The following LARS2 variants were observed in gnomAD, a reference collection of about 807,000 sequenced individuals.
LARS2 encodes the protein leucine--tRNA ligase, mitochondrial.
A neutral mutation model predicts 116.6 loss-of-function variants in LARS2; 81 were observed. That is an observed-to-expected ratio of 0.69 (90% confidence interval 0.58 to 0.84). The LOEUF (loss-of-function observed/expected upper bound fraction) is 0.84, where lower values mean the gene tolerates loss of function less well. LARS2 is among the 40% of genes least tolerant of loss of function. The probability of loss-of-function intolerance (pLI) is 0.00; values close to 1 mark genes in which losing one functional copy is unlikely to be tolerated. For synonymous variants in LARS2, 396 were observed against 407.2 expected (o/e 0.97, Z 0.33); for missense variants, 968 against 1,114.5 (o/e 0.87, Z 1.87).
At chr3:45,424,318 T>C (rs973670604) in intron 6 of LARS2, among the ~76,000 whole-genome samples, 1 of 152,226 alleles carries the variant, frequency 6.6e-6, no homozygotes, top group Non-Finnish European at 1.5e-5. Context: ...AGAACACCTA[T>C]ATTGGCCTAC....
At chr3:45,443,896 C>T (rs1575258482) in intron 6 of LARS2, among the ~76,000 whole-genome samples, 1 of 152,062 alleles carries the variant, frequency 6.6e-6, no homozygotes, top group African/African-American at 2.4e-5. Flanking sequence ...CCCTTTGCCT[C>T]AGAGCTGACA....
intron 21 of LARS2, among the ~76,000 whole-genome samples, chr3:45,543,166 G>T (rs1700822613): frequency 6.6e-6 from 1 of 152,252 alleles, no homozygotes; most frequent in Admixed American, 6.5e-5. Flanking sequence ...AAGAGGATGT[G>T]AGGGTGCCCT....
chr3:45,468,330 A>C (rs1478449955), intron 8 of LARS2, among the ~76,000 whole-genome samples: 2 of 152,182 alleles, frequency 1.3e-5, no homozygotes, highest in Non-Finnish European at 2.9e-5. Flanking sequence ...TTAGACCAAT[A>C]AAAGCTTTCA....
At chr3:45,511,629 C>T (rs1293640690) in intron 15 of LARS2, among the ~76,000 whole-genome samples, 5 of 151,742 alleles carry the variant, frequency 3.3e-5, no homozygotes, top group Non-Finnish European at 7.4e-5. Context: ...TTAGGCTGAA[C>T]AGCTGGGGTT....
chr3:45,411,857 C>T (rs1470421800), intron 4 of LARS2, among the ~76,000 whole-genome samples: 2 of 152,146 alleles, frequency 1.3e-5, no homozygotes, highest in Non-Finnish European at 2.9e-5. Context: ...CCACCACCCT[C>T]AGGTAGGCCC....
intron 8 of LARS2, among the ~76,000 whole-genome samples, chr3:45,472,715 A>G (rs1699546695): frequency 6.6e-6 from 1 of 152,206 alleles, no homozygotes; most frequent in African/African-American, 2.4e-5. Flanking sequence ...ATCAGACTGA[A>G]TATGGACTTG....
At chr3:45,404,354 C>T (rs895068373) in intron 4 of LARS2, among the ~76,000 whole-genome samples, 2 of 152,144 alleles carry the variant, frequency 1.3e-5, no homozygotes, top group Non-Finnish European at 2.9e-5. Flanking sequence ...GAAAACTTGT[C>T]TGGTCATTTT....
At position 45,485,744 on chromosome 3, in the gene LARS2, T is replaced by C; in HGVS notation, c.1071T>C (p.Pro357=). Residue 357 remains proline (P), a synonymous_variant, in exon 11 of 22, where the codon CCT becomes CCC. Transcript: ENST00000645846. ...AVNMLTQQEV[P]VVILAKADLE... is the part of the protein sequence containing the mutation. ...ACATGCTTACCCAGCAGGAGGTCCCTGTCGTTATTTTGGCCAAAGCTGACT... is the reference window on the plus strand; with the variant it reads ...ACATGCTTACCCAGCAGGAGGTCCCCGTCGTTATTTTGGCCAAAGCTGACT... 6.2e-7 allele frequency: 1 copy of C among 1,612,244 alleles called. No homozygotes were observed. The highest frequency in any genetic ancestry group is 2.2e-5 in the East Asian group (1 of 44,788).
At chr3:45,451,504 G>A (rs976908860) in intron 7 of LARS2, among the ~76,000 whole-genome samples, 2 of 152,208 alleles carry the variant, frequency 1.3e-5, no homozygotes, top group African/African-American at 4.8e-5. Flanking sequence ...TCAAAAATGA[G>A]TTGACTGTAA....
intron 7 of LARS2, among the ~76,000 whole-genome samples, chr3:45,452,682 A>C (rs1426680313): frequency 6.6e-6 from 1 of 152,176 alleles, no homozygotes; most frequent in East Asian, 1.9e-4. Flanking sequence ...TTTGGATATC[A>C]GGGTAATGCT....
intron 9 of LARS2, among the ~76,000 whole-genome samples, chr3:45,475,286 C>T (rs891307226): frequency 6.6e-6 from 1 of 152,212 alleles, no homozygotes; most frequent in African/African-American, 2.4e-5. Flanking sequence ...TTATAATTCC[C>T]TGTGCAGCCT....
chr3:45,547,050 T>C (rs572423759), intron 21 of LARS2, among the ~76,000 whole-genome samples: 75 of 152,338 alleles, frequency 4.9e-4, no homozygotes, highest in African/African-American at 1.7e-3. Flanking sequence ...ACATAATCTC[T>C]ACCACAGCTG....
At chr3:45,388,866 C>G (rs1055104878) in intron 1 of LARS2, 186 bp downstream of exon 1, 1 of 152,280 alleles carries the variant, frequency 6.6e-6, no homozygotes, top group Non-Finnish European at 1.5e-5. Flanking sequence ...CTTTGAGCCA[C>G]CGACCCCATT....
At chr3:45,444,222 C>T (rs1247593106) in intron 6 of LARS2, among the ~76,000 whole-genome samples, 2 of 143,624 alleles carry the variant, frequency 1.4e-5, no homozygotes, top group South Asian at 2.3e-4. Context: ...ACCGTGTTAG[C>T]GAGGATGGTC....
At chr3:45,537,676 G>A (rs913345865) in intron 20 of LARS2, among the ~76,000 whole-genome samples, 7 of 152,268 alleles carry the variant, frequency 4.6e-5, no homozygotes, top group Admixed American at 6.5e-5. Flanking sequence ...GGGATCGGAC[G>A]CCGCAGAGTC....
Position 45,523,143 on chromosome 3 carries a change from G to A in LARS2, c.2293-854G>A, listed in dbSNP as rs544494231. On this transcript the variant is annotated intron_variant, in intron 19 of 21. Transcript: ENST00000645846. ...TAAAGCAAGACACTGAAATGAAACT[G>A]TAATGAATTTCTGTCTTTCCATTCC... Among the ~76,000 whole-genome samples, 6 of 152,306 alleles carry A rather than the reference G, an allele frequency of 3.9e-5. No homozygotes were observed. In the East Asian group the frequency reaches 1.2e-3, roughly 29 times the overall value.
At chr3:45,435,873 T>A (rs1451603720) in intron 6 of LARS2, among the ~76,000 whole-genome samples, 1 of 152,172 alleles carries the variant, frequency 6.6e-6, no homozygotes, top group African/African-American at 2.4e-5. Flanking sequence ...TTAGAGAGAA[T>A]CAGGAAAAGT....
chr3:45,435,427 TC>T (rs1401347149), intron 6 of LARS2, among the ~76,000 whole-genome samples: 1 of 152,240 alleles, frequency 6.6e-6, no homozygotes, highest in Non-Finnish European at 1.5e-5. Flanking sequence ...TCTAGGCTCT[TC>T]GCTAAGCCTT....
intron 6 of LARS2, among the ~76,000 whole-genome samples, chr3:45,444,119 C>T (rs1168638669): frequency 6.6e-6 from 1 of 151,258 alleles, no homozygotes; most frequent in Non-Finnish European, 1.5e-5. Flanking sequence ...CTTCTCCTGC[C>T]TCAGCCTCCC....
Sources: allele counts gnomAD v4.1 joint callset (sites outside exome capture counted in the v4.1 genomes callset), GRCh38; gene constraint gnomAD v4.1.1; transcripts MANE v1.5; gene names NCBI Gene and HGNC (gene_info 2026-07-23, HGNC 2026-07-21).